NDST4: variants seen among roughly 807,000 people sequenced by gnomAD.
NDST4 encodes the protein N-deacetylase and N-sulfotransferase 4.
Under a neutral mutation model 100.8 loss-of-function variants are expected in NDST4, and 63 were observed. That is an observed-to-expected ratio of 0.62 (90% CI 0.51 to 0.77). NDST4 has a LOEUF of 0.77. Ranked by LOEUF, NDST4 falls within the 30% of genes least tolerant of loss-of-function variation. The probability of loss-of-function intolerance (pLI) is 0.00; values close to 1 mark genes in which losing one functional copy is unlikely to be tolerated. For missense variants in NDST4, 943 were observed against 1,018.4 expected (o/e 0.93, Z 1.01); for synonymous variants, 377 against 361.8 (o/e 1.04, Z -0.48).
chr4:114,953,141 T>C (rs1158336384), intron 4 of NDST4, among the ~76,000 whole-genome samples: 1 of 151,838 alleles, frequency 6.6e-6, no homozygotes, highest in Non-Finnish European at 1.5e-5. Flanking sequence ...AGCTTGTGAG[T>C]TCTTTGTGTG....
intron 2 of NDST4, among the ~76,000 whole-genome samples, chr4:115,007,411 G>T (rs781087674): frequency 1.3e-5 from 2 of 152,132 alleles, no homozygotes; most frequent in Non-Finnish European, 2.9e-5. Flanking sequence ...CAGGCTATAC[G>T]CAATTGAAAA....
At chr4:114,839,819 A>G (rs1421539214) in intron 10 of NDST4, among the ~76,000 whole-genome samples, 1 of 152,232 alleles carries the variant, frequency 6.6e-6, no homozygotes, top group African/African-American at 2.4e-5. Context: ...CCTTCACTAT[A>G]TATCAAGTGG....
Position 115,047,803 on chromosome 4 carries a change from T to C in NDST4, c.978+28256A>G, listed in dbSNP as rs191992574. Among the ~76,000 whole-genome samples the C allele has an allele frequency of 2.3e-3, 355 of 152,264 alleles. 1 individual carries two copies. Among genetic ancestry groups the C allele is most frequent in the African/African-American group, 8.2e-3 (342 of 41,570 alleles). The stretch of plus-strand genomic sequence containing the variant: ...GCTATATATCTATGTACCTATATCC[T>C]TATTCCCCTATTATATATCGTTTAT... On this transcript the variant is annotated intron_variant, in intron 2 of 13. Transcript: ENST00000264363.
intron 7 of NDST4, among the ~76,000 whole-genome samples, chr4:114,858,523 G>T (rs1723847346): frequency 6.6e-6 from 1 of 152,208 alleles, no homozygotes; most frequent in Admixed American, 6.5e-5. Flanking sequence ...CCACTTGAAA[G>T]ATACAGTTGA....
chr4:115,040,197 G>A (rs1396478040), intron 2 of NDST4, among the ~76,000 whole-genome samples: 1 of 150,222 alleles, frequency 6.7e-6, no homozygotes, highest in East Asian at 1.9e-4. Flanking sequence ...GGTTTTTTAA[G>A]TTAAATTTTA....
At chr4:114,980,298 A>G (rs1726738110) in intron 2 of NDST4, among the ~76,000 whole-genome samples, 1 of 152,214 alleles carries the variant, frequency 6.6e-6, no homozygotes, top group South Asian at 2.1e-4. Context: ...CAGGAAATAC[A>G]CTTTTTTCTA....
chr4:114,827,947 A>T lies in NDST4; in HGVS notation c.2500-12T>A. On this transcript the variant is annotated splice_polypyrimidine_tract_variant and intron_variant, in intron 13 of 13. Coordinates refer to ENST00000264363, the MANE Select transcript of NDST4 (RefSeq NM_022569.3). ...AGGAACGTTCTAGACTGGAAAGAAA[A>T]AAAGAAGAACTTGAAAGAAGCTCTT... The T allele has an allele frequency of 6.3e-7, 1 of 1,580,222 alleles. No individual in the cohort carries two copies.
At chr4:114,963,567 C>A (rs1010308169) in intron 4 of NDST4, among the ~76,000 whole-genome samples, 1 of 152,050 alleles carries the variant, frequency 6.6e-6, no homozygotes, top group Non-Finnish European at 1.5e-5. Flanking sequence ...CGTGGGTGAA[C>A]CTTATGATAT....
At chr4:115,004,546 A>T (rs1189527768) in intron 2 of NDST4, among the ~76,000 whole-genome samples, 1 of 152,164 alleles carries the variant, frequency 6.6e-6, no homozygotes, top group African/African-American at 2.4e-5. Context: ...GAAAAAAGCA[A>T]ATCTATTTGT....
chr4:114,898,315 T>A (rs992937291), intron 6 of NDST4, among the ~76,000 whole-genome samples: 1 of 152,142 alleles, frequency 6.6e-6, no homozygotes, highest in Admixed American at 6.6e-5. Flanking sequence ...AAAGATTATA[T>A]TTTTTTCAAT....
chr4:115,086,799 TA>T (rs1729418180), intron 1 of NDST4, among the ~76,000 whole-genome samples: 1 of 152,122 alleles, frequency 6.6e-6, no homozygotes, highest in South Asian at 2.1e-4. Context: ...GAGTCTAATT[TA>T]TTAAAAGCAA....
At chr4:114,925,132 C>G (rs1296048932) in intron 6 of NDST4, among the ~76,000 whole-genome samples, 1 of 152,064 alleles carries the variant, frequency 6.6e-6, no homozygotes, top group Non-Finnish European at 1.5e-5. Context: ...AATATTATCT[C>G]ATTGTCATAA....
At chr4:114,890,433 T>C (rs1204954612) in intron 6 of NDST4, among the ~76,000 whole-genome samples, 1 of 152,112 alleles carries the variant, frequency 6.6e-6, no homozygotes, top group Non-Finnish European at 1.5e-5. Context: ...AGAATTGCCT[T>C]ACTCCTTTAT....
rs143795650 is a variant in NDST4 at position 114,974,927 on chromosome 4, C to T, written c.1066+2260G>A. ...TGAGGCTCATCCATCAGCATCCTCA[C>T]GCACTGGGAAATCAGATCATTCTGG... is the stretch of plus-strand genomic sequence containing the variant. On this transcript the variant is annotated intron_variant, in intron 3 of 13. Coordinates refer to ENST00000264363, the MANE Select transcript of NDST4 (RefSeq NM_022569.3). Among the ~76,000 whole-genome samples, 599 of 152,266 alleles carry T rather than the reference C, an allele frequency of 3.9e-3. 6 individuals carry two copies. The highest frequency in any genetic ancestry group is 0.012 in the African/African-American group (496 of 41,558).
At chr4:114,946,981 AT>A (rs1211119465) in intron 4 of NDST4, among the ~76,000 whole-genome samples, 2 of 151,304 alleles carry the variant, frequency 1.3e-5, no homozygotes, top group African/African-American at 4.9e-5. Context: ...TTGTTGGTCG[AT>A]TTTTTTTCAT....
chr4:115,043,766 A>G (rs1728403258), intron 2 of NDST4, among the ~76,000 whole-genome samples: 1 of 152,146 alleles, frequency 6.6e-6, no homozygotes, highest in Non-Finnish European at 1.5e-5. Context: ...GATGCCTAAA[A>G]TGCTTACTTC....
intron 2 of NDST4, among the ~76,000 whole-genome samples, chr4:115,074,621 T>C (rs2126288977): frequency 6.6e-6 from 1 of 152,214 alleles, no homozygotes. Context: ...AAGCAGTGCT[T>C]CATAGGAACT....
At chr4:114,918,803 T>C (rs769327307) in intron 6 of NDST4, among the ~76,000 whole-genome samples, 4 of 152,150 alleles carry the variant, frequency 2.6e-5, no homozygotes, top group Non-Finnish European at 5.9e-5. Context: ...ATTGAGAACA[T>C]AGGGGAGCAC....
chr4:114,912,537 T>C (rs1578383965), intron 6 of NDST4, among the ~76,000 whole-genome samples: 1 of 152,110 alleles, frequency 6.6e-6, no homozygotes, highest in South Asian at 2.1e-4. Flanking sequence ...TGCAGGTGCC[T>C]GAACAAGCAT....
Sources: gnomAD v4.1 joint callset for allele counts (sites outside exome capture counted in the v4.1 genomes callset) on GRCh38, gnomAD v4.1.1 for gene constraint, MANE v1.5 for transcripts, NCBI Gene and HGNC (gene_info 2026-07-23, HGNC 2026-07-21) for gene names.